Variants in FTCDNL1 observed in about 807,000 individuals in gnomAD.
The protein encoded by FTCDNL1 is formiminotransferase cyclodeaminase N-terminal like.
Under a neutral mutation model 5.9 loss-of-function variants are expected in FTCDNL1, and 11 were observed. The observed-to-expected ratio is 1.87, with a 90% CI of 1.18 to 3.10. The LOEUF (loss-of-function observed/expected upper bound fraction) is 3.10, where lower values mean the gene tolerates loss of function less well. FTCDNL1 is among the 30% of genes most tolerant of loss of function. FTCDNL1 has a pLI of 0.00. For missense variants in FTCDNL1, 115 were observed against 65.5 expected (o/e 1.76, Z -2.61); for synonymous variants, 58 against 24.8 (o/e 2.34, Z -3.99).
At chr2:199,675,973 A>C in the FTCDNL1 span, among the ~76,000 whole-genome samples, 4 of 152,292 alleles carry the variant, frequency 2.6e-5, no homozygotes, top group South Asian at 8.3e-4. Context: ...ACTTGTGTCC[A>C]GTTACTGAGC....
chr2:199,745,037 T>C, the FTCDNL1 span, among the ~76,000 whole-genome samples: 640 of 152,336 alleles, frequency 4.2e-3, 2 homozygotes, highest in Non-Finnish European at 7.7e-3. Flanking sequence ...GCCCTACAGC[T>C]CTGTACTGTC....
the FTCDNL1 span, among the ~76,000 whole-genome samples, chr2:199,734,609 C>A: frequency 7.2e-5 from 11 of 152,164 alleles, no homozygotes; most frequent in African/African-American, 2.4e-4. Flanking sequence ...TATTATTATT[C>A]TGGACCCAAC....
At chr2:199,785,314 C>A (rs1433608789) in intron 3 of FTCDNL1, among the ~76,000 whole-genome samples, 1 of 118,446 alleles carries the variant, frequency 8.4e-6, no homozygotes, top group East Asian at 3.0e-4. Context: ...GTGGTGCGAT[C>A]TCAGCTCACT....
At chr2:199,849,348 A>C (rs922597916) in intron 1 of FTCDNL1, among the ~76,000 whole-genome samples, 3 of 152,196 alleles carry the variant, frequency 2.0e-5, no homozygotes, top group Admixed American at 2.0e-4. Flanking sequence ...TTTGTTGTTA[A>C]ACTAGACTTA....
At chr2:199,685,354 G>A in the FTCDNL1 span, among the ~76,000 whole-genome samples, 3 of 152,142 alleles carry the variant, frequency 2.0e-5, no homozygotes, top group South Asian at 6.2e-4. Context: ...CCTTAGAGTG[G>A]ATAAAAGTGC....
At chr2:199,765,532 T>TTTTATATATATATATATATATATA (rs1436369027) in intron 3 of FTCDNL1, among the ~76,000 whole-genome samples, 2 of 79,624 alleles carry the variant, frequency 2.5e-5, no homozygotes, top group Admixed American at 1.8e-4. Flanking sequence ...TTTGTCTTCA[T>TTTTATATATATATATATATATATA]TATATATATA....
the FTCDNL1 span, among the ~76,000 whole-genome samples, chr2:199,678,936 G>A: frequency 6.6e-6 from 1 of 152,058 alleles, no homozygotes; most frequent in African/African-American, 2.4e-5. Flanking sequence ...TACATTTCCA[G>A]AAGTGGAATT....
the FTCDNL1 span, among the ~76,000 whole-genome samples, chr2:199,716,876 A>G: frequency 2.6e-5 from 4 of 152,208 alleles, no homozygotes; most frequent in Non-Finnish European, 4.4e-5. Flanking sequence ...GCTATGGTTC[A>G]AAAGAGACAT....
intron 3 of FTCDNL1, among the ~76,000 whole-genome samples, chr2:199,839,597 A>G (rs1401127909): frequency 1.3e-5 from 2 of 152,216 alleles, no homozygotes; most frequent in Non-Finnish European, 2.9e-5. Flanking sequence ...CTCACCAAGT[A>G]TCCAGCATAA....
intron 3 of FTCDNL1, among the ~76,000 whole-genome samples, chr2:199,776,063 G>A (rs879469741): frequency 9.2e-5 from 14 of 151,952 alleles, no homozygotes; most frequent in East Asian, 1.9e-4. Flanking sequence ...ACAGGCGCCC[G>A]CCACCACGCC....
At chr2:199,849,044 T>C in intron 1 of FTCDNL1, 75 bp from the exon 2 acceptor site, 1 of 654,962 alleles carries the variant, frequency 1.5e-6, no homozygotes, top group Non-Finnish European at 2.7e-6. Context: ...AAAAAAATCA[T>C]AACTTTTTGG....
the FTCDNL1 span, among the ~76,000 whole-genome samples, chr2:199,701,300 A>T: frequency 2.9e-3 from 3 of 1,038 alleles, no homozygotes; most frequent in African/African-American, 6.8e-3. Flanking sequence ...TTGAAAGTTT[A>T]AAAAAAAAAA....
At chr2:199,689,548 C>G in the FTCDNL1 span, among the ~76,000 whole-genome samples, 1 of 152,142 alleles carries the variant, frequency 6.6e-6, no homozygotes, top group African/African-American at 2.4e-5. Context: ...CAGAAACAGC[C>G]TTCTCATGTG....
At chr2:199,829,350 T>G (rs1323920261) in intron 3 of FTCDNL1, among the ~76,000 whole-genome samples, 1 of 152,230 alleles carries the variant, frequency 6.6e-6, no homozygotes, top group Non-Finnish European at 1.5e-5. Context: ...TGGCTGACCT[T>G]ATTTGCTATA....
At chr2:199,792,358 C>A (rs1045005702) in intron 3 of FTCDNL1, among the ~76,000 whole-genome samples, 21 of 152,158 alleles carry the variant, frequency 1.4e-4, no homozygotes, top group Non-Finnish European at 1.9e-4. Flanking sequence ...TATACCCTTC[C>A]AAAGTCCCTG....
At chr2:199,738,714 C>T in the FTCDNL1 span, among the ~76,000 whole-genome samples, 1 of 152,176 alleles carries the variant, frequency 6.6e-6, no homozygotes, top group Non-Finnish European at 1.5e-5. Flanking sequence ...TTTCAATACA[C>T]AGCTGCTTTG....
the FTCDNL1 span, among the ~76,000 whole-genome samples, chr2:199,727,413 C>T: frequency 6.6e-6 from 1 of 152,188 alleles, no homozygotes; most frequent in Non-Finnish European, 1.5e-5. Context: ...TGTGGACTCA[C>T]AAGAGGATCT....
At chr2:199,760,645 C>A (rs564677738) in exon 4 of FTCDNL1, 1 of 562,198 alleles carries the variant, frequency 1.8e-6, no homozygotes, top group African/African-American at 1.8e-5. Context: ...AATATACCCT[C>A]TATTTAGAAT....
chr2:199,794,279 T>C lies in FTCDNL1; in HGVS notation c.212-33444A>G, dbSNP rs1488133364. 3.3e-5 allele frequency among the ~76,000 whole-genome samples: 5 copies of C among 152,234 alleles called. No individual in the cohort carries two copies. The East Asian group carries it at 7.7e-4, about 23-fold the overall frequency. On this transcript the variant is annotated intron_variant, in intron 3 of 3. Transcript: ENST00000416668. ...AAATAGTGGGCTGGCAATATTTGCATAGAAGAACCAGCATTCCTACACAAA... is the reference window on the plus strand; with the variant it reads ...AAATAGTGGGCTGGCAATATTTGCACAGAAGAACCAGCATTCCTACACAAA...
Sources: allele counts gnomAD v4.1 joint callset (sites outside exome capture counted in the v4.1 genomes callset), GRCh38; gene constraint gnomAD v4.1.1; transcripts MANE v1.5; gene names NCBI Gene and HGNC (gene_info 2026-07-23, HGNC 2026-07-21).